Variants in ARHGAP24 observed in about 807,000 individuals in gnomAD.
ARHGAP24 encodes Rho GTPase activating protein 24, also known as rho GTPase-activating protein 24.
A neutral mutation model predicts 76.4 loss-of-function variants in ARHGAP24; 50 were observed. The ratio of observed to expected loss-of-function variants is 0.65; its 90% CI spans 0.52 to 0.83. ARHGAP24 has a LOEUF of 0.83. ARHGAP24 is among the 40% of genes least tolerant of loss of function. The pLI is 0.00. For synonymous variants in ARHGAP24, 345 were observed against 323.3 expected (o/e 1.07, Z -0.72); for missense variants, 930 against 914.2 (o/e 1.02, Z -0.22).
chr4:85,779,756 G>GA lies in ARHGAP24; in HGVS notation c.268+57791dup, dbSNP rs571932674. On this transcript the variant is annotated intron_variant, in intron 3 of 9. Transcript: ENST00000395184. ...AAGGGGAATAGCCCAATGCGGCACA[G>GA]AAAAAAATCCCTGTGTACCCTAGCA... Among the ~76,000 whole-genome samples the GA allele has an allele frequency of 3.9e-5, 6 of 152,076 alleles. No individual in the cohort carries two copies. In the East Asian group the frequency reaches 7.7e-4, roughly 20 times the overall value.
At chr4:85,695,322 A>G (rs1339407962) in intron 2 of ARHGAP24, among the ~76,000 whole-genome samples, 1 of 152,238 alleles carries the variant, frequency 6.6e-6, no homozygotes, top group Non-Finnish European at 1.5e-5. Context: ...CATGTGCCCA[A>G]TAAAGACAGG....
intron 3 of ARHGAP24, among the ~76,000 whole-genome samples, chr4:85,886,496 T>C (rs1309571204): frequency 3.9e-5 from 6 of 152,136 alleles, no homozygotes; most frequent in Non-Finnish European, 1.5e-5. Flanking sequence ...TAGACCAGGC[T>C]TGTGTGTTGC....
chr4:85,972,350 C>G, intron 6 of ARHGAP24, 182 bp downstream of exon 6: 1 of 722,068 alleles, frequency 1.4e-6, no homozygotes, highest in Non-Finnish European at 2.2e-6. Context: ...GATCCCCTCT[C>G]TGATCAAAAA....
At chr4:85,528,406 T>G (rs115147818) in intron 1 of ARHGAP24, among the ~76,000 whole-genome samples, 1,714 of 152,066 alleles carry the variant, frequency 0.011, 42 homozygotes, top group African/African-American at 0.039. Context: ...GGAGAAAAAT[T>G]ATGAGTAGGT....
intron 2 of ARHGAP24, among the ~76,000 whole-genome samples, chr4:85,640,273 C>T (rs375336773): frequency 1.6e-4 from 24 of 152,200 alleles, no homozygotes; most frequent in African/African-American, 5.8e-4. Context: ...ACCTACTTAC[C>T]CTGTTCCTCT....
intron 2 of ARHGAP24, among the ~76,000 whole-genome samples, chr4:85,642,170 T>C (rs751395869): frequency 1.4e-4 from 21 of 151,982 alleles, no homozygotes; most frequent in Non-Finnish European, 2.2e-4. Flanking sequence ...ACTCCAGCCT[T>C]GGAAAGAAAA....
chr4:85,780,832 G>T (rs1262663977), intron 3 of ARHGAP24, among the ~76,000 whole-genome samples: 1 of 152,212 alleles, frequency 6.6e-6, no homozygotes, highest in South Asian at 2.1e-4. Flanking sequence ...TGTAGTAGAG[G>T]TTGCCATGGA....
rs192464136 is a variant in ARHGAP24, at chr4:85,702,360, T to C, written c.181-19525T>C. On this transcript the variant is annotated intron_variant, in intron 2 of 9. Coordinates refer to ENST00000395184, the MANE Select transcript of ARHGAP24 (RefSeq NM_001025616.3). The stretch of plus-strand genomic sequence containing the variant: ...CATTGTATTTATACAGATGCAACTT[T>C]CTTAAAATTAGAATAATGCATACCT... Among the ~76,000 whole-genome samples, 1,018 of 152,326 alleles carry C rather than the reference T, an allele frequency of 6.7e-3. 4 individuals are homozygous for C. Among genetic ancestry groups the C allele is most frequent in the Non-Finnish European group, 0.011 (757 of 68,020 alleles).
At chr4:85,784,378 T>C (rs1727709716) in intron 3 of ARHGAP24, among the ~76,000 whole-genome samples, 1 of 152,164 alleles carries the variant, frequency 6.6e-6, no homozygotes, top group Non-Finnish European at 1.5e-5. Context: ...GTGTTTATTT[T>C]GTTTTCTCTC....
At chr4:85,723,142 T>C (rs888571994) in intron 3 of ARHGAP24, 1 of 147,004 alleles carries the variant, frequency 6.8e-6, no homozygotes, top group Admixed American at 6.9e-5. Context: ...TAGAACCAGA[T>C]TCCAGATGTT....
chr4:85,921,437 G>A (rs1200071492), intron 3 of ARHGAP24, among the ~76,000 whole-genome samples: 4 of 151,960 alleles, frequency 2.6e-5, no homozygotes, highest in Non-Finnish European at 4.4e-5. Flanking sequence ...TGAGTACTAG[G>A]CTTAGTACCT....
At chr4:85,783,683 AG>A in intron 3 of ARHGAP24, among the ~76,000 whole-genome samples, 1 of 152,304 alleles carries the variant, frequency 6.6e-6, no homozygotes, top group Admixed American at 6.5e-5. Flanking sequence ...AGGGAGTGGA[AG>A]GGTTCTCATA....
chr4:86,000,467 C>T lies in ARHGAP24; in HGVS notation c.2004-12C>T, dbSNP rs765713428. 2.2e-6 allele frequency: 2 copies of T among 927,890 alleles called. No individual in the cohort carries two copies. Among genetic ancestry groups the T allele is most frequent in the Non-Finnish European group, 3.2e-6 (2 of 634,594 alleles). 57.5% of individuals were successfully genotyped at this position (927,890 alleles called of 1,614,324 possible). A position where few individuals can be genotyped will look rare whatever the true frequency, so the allele number is the denominator to read the frequency against. ...CGTCCCCACCCCCCACCCCCCCCAACATCCTTTGTAGCTTAGAACAGCGAA... is the reference window on the plus strand; with the variant it reads ...CGTCCCCACCCCCCACCCCCCCCAATATCCTTTGTAGCTTAGAACAGCGAA... On this transcript the variant is annotated splice_polypyrimidine_tract_variant and intron_variant, in intron 9 of 9. Transcript: ENST00000395184.
chr4:85,913,372 C>G (rs1045941690), intron 3 of ARHGAP24, among the ~76,000 whole-genome samples: 1 of 151,504 alleles, frequency 6.6e-6, no homozygotes, highest in Admixed American at 6.6e-5. Context: ...TCCATTTTCC[C>G]TAATCTTGTA....
intron 2 of ARHGAP24, among the ~76,000 whole-genome samples, chr4:85,672,670 GGAA>G (rs774116027): frequency 3.9e-5 from 6 of 152,184 alleles, no homozygotes; most frequent in Non-Finnish European, 7.4e-5. Flanking sequence ...TGGTGGTACA[GGAA>G]GAAGCTGGTT....
intron 2 of ARHGAP24, among the ~76,000 whole-genome samples, chr4:85,626,422 G>T (rs999167707): frequency 4.6e-5 from 7 of 152,194 alleles, no homozygotes; most frequent in African/African-American, 1.7e-4. Flanking sequence ...GGCTGATAGA[G>T]TTTCTGTCGA....
At chr4:85,795,135 C>T (rs555449183) in intron 3 of ARHGAP24, among the ~76,000 whole-genome samples, 20 of 152,338 alleles carry the variant, frequency 1.3e-4, no homozygotes, top group African/African-American at 4.3e-4. Flanking sequence ...TTCCATGTTA[C>T]AGTATTGCCT....
In ARHGAP24 at chr4:85,504,699, G is replaced by T. The variant is rs1374711844; in HGVS notation, c.-21+29140G>T. On this transcript the variant is annotated intron_variant, in intron 1 of 9. Transcript: ENST00000395184. ...GTTTGCCAGTTGGTGTCTTTTAATT[G>T]GAACATTCAGCCCATTTACATTTAA... 7.2e-5 allele frequency among the ~76,000 whole-genome samples: 11 copies of T among 152,052 alleles called. No homozygotes were observed. The East Asian group carries it at 2.1e-3, about 29-fold the overall frequency.
intron 8 of ARHGAP24, among the ~76,000 whole-genome samples, chr4:85,989,851 T>A (rs1740221709): frequency 2.0e-5 from 3 of 151,706 alleles, no homozygotes; most frequent in Admixed American, 2.0e-4. Flanking sequence ...AAAAATTTAG[T>A]TAAAATACTA....
Sources: allele counts gnomAD v4.1 joint callset (sites outside exome capture counted in the v4.1 genomes callset), GRCh38; gene constraint gnomAD v4.1.1; transcripts MANE v1.5; gene names NCBI Gene and HGNC (gene_info 2026-07-23, HGNC 2026-07-21).